Variants in SOBP observed in about 807,000 individuals in gnomAD.
SOBP encodes sine oculis-binding protein homolog.
SOBP carries 4 observed loss-of-function variants against 53.6 expected under a neutral mutation model. That is an observed-to-expected ratio of 0.07 (90% CI 0.04 to 0.17). The LOEUF (loss-of-function observed/expected upper bound fraction) is 0.17. Among genes scored for constraint, SOBP ranks in the 10% least tolerant of loss-of-function variants. The pLI is 1.00. For missense variants in SOBP, 1,088 were observed against 1,204.7 expected (o/e 0.90, Z 1.43); for synonymous variants, 584 against 522.6 (o/e 1.12, Z -1.60).
intron 4 of SOBP, among the ~76,000 whole-genome samples, chr6:107,552,429 A>G (rs896599751): frequency 1.3e-5 from 2 of 152,222 alleles, no homozygotes; most frequent in Admixed American, 1.3e-4. Flanking sequence ...AAAGGAAGTC[A>G]GAGGTGAGTT....
chr6:107,490,842 G>T (rs944805579), intron 1 of SOBP, 130 bp downstream of exon 1: 25 of 706,810 alleles, frequency 3.5e-5, no homozygotes, highest in East Asian at 5.6e-5. Flanking sequence ...GAACGGCTCC[G>T]CTCCTCCTCC....
At chr6:107,508,685 A>G (rs1342671899) in intron 3 of SOBP, among the ~76,000 whole-genome samples, 3 of 152,228 alleles carry the variant, frequency 2.0e-5, no homozygotes, top group Non-Finnish European at 4.4e-5. Flanking sequence ...CTAATTACTA[A>G]TGTAATTGGT....
At chr6:107,513,145 C>A (rs904174886) in intron 3 of SOBP, among the ~76,000 whole-genome samples, 1 of 152,144 alleles carries the variant, frequency 6.6e-6, no homozygotes. Flanking sequence ...AACATAAGAT[C>A]GATCCCCTAA....
chr6:107,629,231 CT>C (rs5878925), intron 5 of SOBP, among the ~76,000 whole-genome samples: 27,507 of 123,308 alleles, frequency 0.22, 3,264 homozygotes, highest in East Asian at 0.45. Flanking sequence ...GTGCTAATAT[CT>C]TTTTTTTTTT....
chr6:107,571,626 A>G (rs1055109645), intron 4 of SOBP, among the ~76,000 whole-genome samples: 5 of 152,224 alleles, frequency 3.3e-5, no homozygotes, highest in Non-Finnish European at 5.9e-5. Context: ...CCTGTCAGCC[A>G]TATGACGGGG....
At chr6:107,537,599 T>C (rs1562597896) in intron 4 of SOBP, among the ~76,000 whole-genome samples, 2 of 152,130 alleles carry the variant, frequency 1.3e-5, no homozygotes, top group Non-Finnish European at 2.9e-5. Context: ...GGTAGGAGGA[T>C]TGCTTGAGCC....
At chr6:107,575,740 A>G (rs1785206372) in intron 4 of SOBP, among the ~76,000 whole-genome samples, 1 of 152,136 alleles carries the variant, frequency 6.6e-6, no homozygotes, top group African/African-American at 2.4e-5. Flanking sequence ...TAATAATAAG[A>G]AGAAGAAGAC....
At chr6:107,565,966 G>A (rs1174540497) in intron 4 of SOBP, among the ~76,000 whole-genome samples, 1 of 152,208 alleles carries the variant, frequency 6.6e-6, no homozygotes, top group Non-Finnish European at 1.5e-5. Flanking sequence ...GTTTGTGTCA[G>A]CTTATGTGTA....
chr6:107,647,219 A>T (rs1771596930), intron 6 of SOBP, among the ~76,000 whole-genome samples: 1 of 152,212 alleles, frequency 6.6e-6, no homozygotes, highest in African/African-American at 2.4e-5. Context: ...AATGCTACAT[A>T]CCAACAATGC....
At chr6:107,582,759 G>C (rs1352854500) in intron 4 of SOBP, among the ~76,000 whole-genome samples, 1 of 152,196 alleles carries the variant, frequency 6.6e-6, no homozygotes, top group East Asian at 1.9e-4. Context: ...GTGCCTTGAT[G>C]TGCCTTCTTT....
chr6:107,588,103 C>A (rs955045165), intron 5 of SOBP, among the ~76,000 whole-genome samples: 1 of 152,194 alleles, frequency 6.6e-6, no homozygotes. Flanking sequence ...TCAGTTGTTA[C>A]ATTTTGAGGT....
Position 107,490,411 on chromosome 6 carries a change from C to T in SOBP, c.-206C>T. ...CTCTCCGCACTATCCTTACCCGTGA[C>T]AGCCACTGACGTCCTCCGCCGCTAG... On this transcript the variant is annotated 5_prime_UTR_variant, in exon 1 of 7. Coordinates refer to ENST00000317357, the MANE Select transcript of SOBP (RefSeq NM_018013.4). 1 of 499,768 alleles carries T rather than the reference C, an allele frequency of 2.0e-6. No homozygotes were observed. The allele number at this position is 499,768 out of a possible 1,614,324, so 31.0% of individuals were successfully genotyped here.
chr6:107,577,433 A>G (rs565255936), intron 4 of SOBP, among the ~76,000 whole-genome samples: 1 of 152,340 alleles, frequency 6.6e-6, no homozygotes, highest in Admixed American at 6.5e-5. Flanking sequence ...CAGGTTTCTC[A>G]ACAAGGCACA....
chr6:107,616,901 A>G (rs116345507), intron 5 of SOBP, among the ~76,000 whole-genome samples: 4,146 of 152,208 alleles, frequency 0.027, 189 homozygotes, highest in African/African-American at 0.094. Context: ...GGGCAGTGCC[A>G]TTTGCATCCA....
intron 4 of SOBP, among the ~76,000 whole-genome samples, chr6:107,564,085 G>A (rs924511027): frequency 1.3e-5 from 2 of 152,186 alleles, no homozygotes; most frequent in African/African-American, 2.4e-5. Flanking sequence ...ACATTTGGAT[G>A]CAAAATAGGT....
At chr6:107,589,306 A>T (rs1785668517) in intron 5 of SOBP, among the ~76,000 whole-genome samples, 1 of 152,190 alleles carries the variant, frequency 6.6e-6, no homozygotes, top group Non-Finnish European at 1.5e-5. Context: ...TGGCTGGACG[A>T]CTAGTCCTCT....
At chr6:107,586,764 A>G (rs1469727737) in intron 4 of SOBP, among the ~76,000 whole-genome samples, 1 of 152,222 alleles carries the variant, frequency 6.6e-6, no homozygotes, top group Admixed American at 6.5e-5. Context: ...ATATAATCCT[A>G]AATGTGCAAT....
intron 4 of SOBP, among the ~76,000 whole-genome samples, chr6:107,560,946 A>G (rs998211355): frequency 2.6e-5 from 4 of 152,244 alleles, no homozygotes; most frequent in African/African-American, 9.6e-5. Flanking sequence ...GGGAAGCAGC[A>G]GTGAGACCAT....
chr6:107,565,042 G>T (rs180802741), intron 4 of SOBP, among the ~76,000 whole-genome samples: 1 of 152,342 alleles, frequency 6.6e-6, no homozygotes, highest in East Asian at 1.9e-4. Context: ...AGCTGGGATG[G>T]TTGTAACACA....
Sources: allele counts gnomAD v4.1 joint callset (sites outside exome capture counted in the v4.1 genomes callset), GRCh38; gene constraint gnomAD v4.1.1; transcripts MANE v1.5; gene names NCBI Gene and HGNC (gene_info 2026-07-23, HGNC 2026-07-21).